CASP4: variants seen among roughly 807,000 people sequenced by gnomAD.
CASP4 encodes the protein caspase 4.
Under a neutral mutation model 41.3 loss-of-function variants are expected in CASP4, and 29 were observed. The observed-to-expected ratio is 0.70, with a 90% CI of 0.52 to 0.96. The LOEUF (loss-of-function observed/expected upper bound fraction) is 0.96, where lower values mean the gene tolerates loss of function less well. Among genes scored for constraint, CASP4 ranks in the 40% least tolerant of loss-of-function variants. The probability of loss-of-function intolerance (pLI) is 0.00; values close to 1 mark genes in which losing one functional copy is unlikely to be tolerated. For missense variants in CASP4, 447 were observed against 460.6 expected, an observed-to-expected ratio of 0.97 and a Z score of 0.27; for synonymous variants, 185 against 158.4, an observed-to-expected ratio of 1.17 and a Z score of -1.26.
chr11:104,953,710 T>C (rs889920129), intron 2 of CASP4, among the ~76,000 whole-genome samples: 1 of 152,166 alleles, frequency 6.6e-6, no homozygotes, highest in African/African-American at 2.4e-5. Flanking sequence ...TTTATCATTA[T>C]TGGTAATCTG....
chr11:104,961,127 G>C (rs672016), intron 1 of CASP4, among the ~76,000 whole-genome samples: 97,476 of 152,184 alleles, frequency 0.64, 31,777 homozygotes, highest in Middle Eastern at 0.83. Context: ...GATCCAGAAG[G>C]TAGCCCAAGT....
intron 1 of CASP4, among the ~76,000 whole-genome samples, chr11:104,962,322 T>G (rs1409135886): frequency 6.6e-6 from 1 of 152,194 alleles, no homozygotes; most frequent in Non-Finnish European, 1.5e-5. Flanking sequence ...CCAGCTAGGT[T>G]TCTGGTCTCT....
intron 8 of CASP4, chr11:104,944,489 C>A: frequency 5.2e-6 from 2 of 386,318 alleles, no homozygotes; most frequent in Non-Finnish European, 4.8e-6. Flanking sequence ...TAATTACTAT[C>A]CTTGGTTTTT....
At chr11:104,966,488 C>A (rs2134662876) in intron 1 of CASP4, among the ~76,000 whole-genome samples, 1 of 152,186 alleles carries the variant, frequency 6.6e-6, no homozygotes, top group South Asian at 2.1e-4. Context: ...AGCAGAAGCT[C>A]AAGAAAAGCA....
intron 3 of CASP4, 160 bp downstream of exon 3, chr11:104,951,736 T>C: frequency 4.4e-6 from 3 of 677,960 alleles, no homozygotes; most frequent in Non-Finnish European, 5.4e-6. Context: ...AGGATTGGTA[T>C]CATTGTGAAG....
At chr11:104,964,809 G>T (rs1230850379) in intron 1 of CASP4, among the ~76,000 whole-genome samples, 1 of 152,102 alleles carries the variant, frequency 6.6e-6, no homozygotes, top group Non-Finnish European at 1.5e-5. Context: ...GTATTTAAGG[G>T]TACAAATGCA....
At chr11:104,966,074 A>G (rs1860968144) in intron 1 of CASP4, among the ~76,000 whole-genome samples, 1 of 152,118 alleles carries the variant, frequency 6.6e-6, no homozygotes, top group Non-Finnish European at 1.5e-5. Flanking sequence ...ATGCTCGGGG[A>G]GACTGATTTA....
intron 1 of CASP4, among the ~76,000 whole-genome samples, chr11:104,964,771 A>T (rs993011049): frequency 1.3e-5 from 2 of 152,204 alleles, no homozygotes; most frequent in Non-Finnish European, 2.9e-5. Flanking sequence ...TGGGACCTTG[A>T]GAGGAGAGGA....
rs531149995 is a variant in CASP4 at position 104,961,381 on chromosome 11, G to T, written c.8-6380C>A. Among the ~76,000 whole-genome samples the T allele has an allele frequency of 6.6e-5, 10 of 152,200 alleles. No individual in the cohort carries two copies. The South Asian group carries it at 1.9e-3, about 28-fold the overall frequency. ...CTGACTGGTTCTGTGGCCCCATAGT[G>T]GGGTGTCTGTCTGTAGCCCCATTGC... On this transcript the variant is annotated intron_variant, in intron 1 of 8. Transcript: ENST00000444739.
Position 104,942,958 on chromosome 11 carries a change from G to A in CASP4, c.*21C>T. Reference sequence around the variant, plus strand: ...CCTTGAAGTTGATTAAGGAGGGCTGGGCTGCTTGTGGCTTCCTGCAGGGGA... The same window carrying A: ...CCTTGAAGTTGATTAAGGAGGGCTGAGCTGCTTGTGGCTTCCTGCAGGGGA... On this transcript the variant is annotated 3_prime_UTR_variant, in exon 9 of 9. Coordinates refer to ENST00000444739, the MANE Select transcript of CASP4 (RefSeq NM_001225.4). 2.2e-6 allele frequency: 1 copy of A among 455,476 alleles called. No homozygotes were observed. The highest frequency in any genetic ancestry group is 4.4e-6 in the Non-Finnish European group (1 of 226,890). The allele number at this position is 455,476 out of a possible 1,614,324, so 28.2% of individuals were successfully genotyped here.
In CASP4 at chr11:104,951,027, A is replaced by G. The variant is rs907476835; in HGVS notation, c.444T>C (p.His148=). ...ALIICNTEFD[H]LPPRNGADFD... The stretch of plus-strand genomic sequence containing the variant: ...AGTCAGCTCCATTCCTCGGAGGCAG[A>G]TGGTCAAACTCTGTATTGCATATGA... The change falls in exon 4 of 9, where the codon CAT becomes CAC. Residue 148 remains histidine, a synonymous_variant. Coordinates refer to ENST00000444739, the MANE Select transcript of CASP4 (RefSeq NM_001225.4). The G allele has an allele frequency of 6.2e-7, 1 of 1,613,474 alleles. No individual in the cohort carries two copies. Among genetic ancestry groups the G allele is most frequent in the Non-Finnish European group, 8.5e-7 (1 of 1,179,618 alleles).
rs1416208129 is a variant in CASP4 at position 104,942,964 on chromosome 11, T to C, written c.*15A>G. ...AGTTGATTAAGGAGGGCTGGGCTGC[T>C]TGTGGCTTCCTGCAGGGGAGAGAAA... On this transcript the variant is annotated 3_prime_UTR_variant, in exon 9 of 9. Coordinates refer to ENST00000444739, the MANE Select transcript of CASP4 (RefSeq NM_001225.4). The C allele has an allele frequency of 2.2e-6, 1 of 455,418 alleles. No homozygotes were observed. The highest frequency in any genetic ancestry group is 2.0e-5 in the African/African-American group (1 of 50,052). 28.2% of individuals were successfully genotyped at this position (455,418 alleles called of 1,614,324 possible). A position where few individuals can be genotyped will look rare whatever the true frequency, so the allele number is the denominator to read the frequency against.
rs572844833 is a variant in CASP4, at chr11:104,954,287, A to G, written c.262+460T>C. Among the ~76,000 whole-genome samples, 20 of 152,254 alleles carry G rather than the reference A, an allele frequency of 1.3e-4. No homozygotes were observed. In the South Asian group the frequency reaches 4.1e-3, roughly 32 times the overall value. On this transcript the variant is annotated intron_variant, in intron 2 of 8. Transcript: ENST00000444739. ...TGGAGTTCAGAGGAGAGAGTTCCGG[A>G]TGAGAGCTAATATCTTGAGAGTTGT...
Position 104,956,985 on chromosome 11 carries a change from C to A in CASP4, c.8-1984G>T, listed in dbSNP as rs576017329. Among the ~76,000 whole-genome samples, 3 of 152,192 alleles carry A rather than the reference C, an allele frequency of 2.0e-5. No homozygotes were observed. In the East Asian group the frequency reaches 5.8e-4, roughly 29 times the overall value. ...ACTCAATGGTGAAAAGTTGAAAACC[C>A]TTTCTCTAAGATCAGGAAGAAGACA... On this transcript the variant is annotated intron_variant, in intron 1 of 8. Transcript: ENST00000444739.
chr11:104,954,601 G>T (rs1311812965), intron 2 of CASP4, 146 bp downstream of exon 2: 1 of 756,498 alleles, frequency 1.3e-6, no homozygotes, highest in Admixed American at 2.8e-5. Flanking sequence ...AAGGGAAGTG[G>T]TCTCTAAAAG....
At chr11:104,967,729 G>T (rs1039137321) in intron 1 of CASP4, among the ~76,000 whole-genome samples, 1 of 152,088 alleles carries the variant, frequency 6.6e-6, no homozygotes, top group Admixed American at 6.6e-5. Context: ...TTTTTTATAT[G>T]ACTACAGATT....
At position 104,948,606 on chromosome 11, in the gene CASP4, C is replaced by T; in HGVS notation, c.852G>A (p.Glu284=). 6.2e-7 allele frequency: 1 copy of T among 1,611,484 alleles called. No individual in the cohort carries two copies. ...SLEVASSQSS[E]NLEEDAVYKT... ...TGTAAACAGCATCTTCCTCTAGGTT[C>T]TCAGATGACTGTGAAGAGGCCACTT... Residue 284 remains glutamate (E), a synonymous_variant, in exon 6 of 9, where the codon GAG becomes GAA. Coordinates refer to ENST00000444739, the MANE Select transcript of CASP4 (RefSeq NM_001225.4).
rs1412809237 is a variant in CASP4, at chr11:104,958,873, A to C, written c.8-3872T>G. 3.4e-5 allele frequency among the ~76,000 whole-genome samples: 5 copies of C among 146,378 alleles called. No homozygotes were observed. The South Asian group carries it at 1.1e-3, about 34-fold the overall frequency. On this transcript the variant is annotated intron_variant, in intron 1 of 8. Transcript: ENST00000444739. ...CTACTCATGAGGCAGAGGCAGTAGA[A>C]TTGCTGGAACCCTAGAGGCGGAGGT...
chr11:104,954,602 T>A, intron 2 of CASP4, 145 bp downstream of exon 2: 1 of 764,226 alleles, frequency 1.3e-6, no homozygotes, highest in Non-Finnish European at 2.1e-6. Context: ...AGGGAAGTGG[T>A]CTCTAAAAGG....
Sources: gnomAD v4.1 joint callset for allele counts (sites outside exome capture counted in the v4.1 genomes callset) on GRCh38, gnomAD v4.1.1 for gene constraint, MANE v1.5 for transcripts, NCBI Gene and HGNC (gene_info 2026-07-23, HGNC 2026-07-21) for gene names.